The following IMMP2L variants were observed in gnomAD, a reference collection of about 807,000 sequenced individuals.
The protein encoded by IMMP2L is inner mitochondrial membrane peptidase subunit 2.
IMMP2L carries 18 observed loss-of-function variants against 19.3 expected under a neutral mutation model. That is an observed-to-expected ratio of 0.93 (90% CI 0.64 to 1.38). The LOEUF is 1.38. Ranked by LOEUF, IMMP2L falls within the 40% of genes most tolerant of loss-of-function variation. IMMP2L has a pLI of 0.00. For synonymous variants in IMMP2L, 76 were observed against 73.0 expected, an observed-to-expected ratio of 1.04 and a Z score of -0.21; for missense variants, 233 against 218.2, an observed-to-expected ratio of 1.07 and a Z score of -0.43.
At chr7:111,429,798 T>G (rs1305033704) in intron 3 of IMMP2L, among the ~76,000 whole-genome samples, 1 of 151,918 alleles carries the variant, frequency 6.6e-6, no homozygotes, top group Non-Finnish European at 1.5e-5. Flanking sequence ...TTACAAACAC[T>G]TTTCATGTGG....
intron 5 of IMMP2L, among the ~76,000 whole-genome samples, chr7:110,799,633 A>G (rs887076924): frequency 6.6e-6 from 1 of 152,070 alleles, no homozygotes; most frequent in Non-Finnish European, 1.5e-5. Flanking sequence ...GAGGAACTAC[A>G]GTATATAATT....
intron 4 of IMMP2L, among the ~76,000 whole-genome samples, chr7:110,929,343 A>G (rs1434128695): frequency 6.6e-6 from 1 of 152,178 alleles, no homozygotes; most frequent in Non-Finnish European, 1.5e-5. Flanking sequence ...ATTAAGTAAC[A>G]CTAAGATATT....
intron 3 of IMMP2L, among the ~76,000 whole-genome samples, chr7:111,139,517 G>A (rs1424943767): frequency 6.6e-6 from 1 of 152,102 alleles, no homozygotes; most frequent in African/African-American, 2.4e-5. Context: ...GAAAAACTAT[G>A]AGAAAGGAAA....
chr7:111,146,278 G>A (rs1301366032), intron 3 of IMMP2L, among the ~76,000 whole-genome samples: 1 of 147,508 alleles, frequency 6.8e-6, no homozygotes. Flanking sequence ...AGGGAGGGAG[G>A]GAAGATTATC....
chr7:111,503,365 A>C (rs1844510380), intron 2 of IMMP2L, among the ~76,000 whole-genome samples: 1 of 152,146 alleles, frequency 6.6e-6, no homozygotes, highest in African/African-American at 2.4e-5. Flanking sequence ...GACCAGATGG[A>C]TTCACAGCCG....
intron 3 of IMMP2L, among the ~76,000 whole-genome samples, chr7:111,394,309 G>A (rs895851755): frequency 2.0e-5 from 3 of 152,074 alleles, no homozygotes; most frequent in Non-Finnish European, 4.4e-5. Flanking sequence ...AAAGCATTTA[G>A]CATTAAATGT....
At position 111,157,925 on chromosome 7, in the gene IMMP2L, T is replaced by G. The variant is rs1804827162; in HGVS notation, c.240-194360A>C. The stretch of plus-strand genomic sequence containing the variant: ...AAAAGAGAAAACCATAATTAAACAG[T>G]GAACACATTTTCTGGATATTATTGG... On this transcript the variant is annotated intron_variant, in intron 3 of 5. Coordinates refer to ENST00000405709, the MANE Select transcript of IMMP2L (RefSeq NM_032549.4). Among the ~76,000 whole-genome samples, 5 of 151,844 alleles carry G rather than the reference T, an allele frequency of 3.3e-5. No individual in the cohort carries two copies. In the South Asian group the frequency reaches 1.0e-3, roughly 32 times the overall value.
chr7:110,692,430 C>CA (rs1793582530), intron 5 of IMMP2L, among the ~76,000 whole-genome samples: 1 of 151,892 alleles, frequency 6.6e-6, no homozygotes, highest in South Asian at 2.1e-4. Flanking sequence ...ACTAAAATCT[C>CA]AGACTTCACA....
At chr7:111,038,770 A>C (rs994583502) in intron 3 of IMMP2L, among the ~76,000 whole-genome samples, 1 of 152,214 alleles carries the variant, frequency 6.6e-6, no homozygotes, top group African/African-American at 2.4e-5. Context: ...AGTTGAAATG[A>C]AGCATAGTTA....
chr7:110,950,844 ATATATATATATATATATATATATATATG>A (rs987615920), intron 4 of IMMP2L, among the ~76,000 whole-genome samples: 4 of 114,442 alleles, frequency 3.5e-5, no homozygotes, highest in Non-Finnish European at 6.8e-5. Flanking sequence ...AATGTGGCAT[ATATATATATATATATATATATATATATG>A]TATATATATG....
At chr7:110,822,462 C>T (rs760267843) in intron 5 of IMMP2L, among the ~76,000 whole-genome samples, 1 of 152,094 alleles carries the variant, frequency 6.6e-6, no homozygotes, top group Non-Finnish European at 1.5e-5. Flanking sequence ...ATGAAAATTT[C>T]TCTGCCTGGA....
At chr7:110,971,752 T>C (rs1026155706) in intron 3 of IMMP2L, among the ~76,000 whole-genome samples, 4 of 152,134 alleles carry the variant, frequency 2.6e-5, no homozygotes, top group African/African-American at 9.7e-5. Flanking sequence ...CTGATATTTA[T>C]GGCCTGAAAA....
intron 3 of IMMP2L, among the ~76,000 whole-genome samples, chr7:111,221,842 G>A (rs184866997): frequency 9.9e-5 from 15 of 152,058 alleles, no homozygotes; most frequent in Admixed American, 1.3e-4. Context: ...TCTCCTGCCA[G>A]ATACTGAAAC....
At chr7:110,742,710 T>G (rs1041157676) in intron 5 of IMMP2L, among the ~76,000 whole-genome samples, 1 of 145,976 alleles carries the variant, frequency 6.9e-6, no homozygotes, top group East Asian at 2.0e-4. Flanking sequence ...GAGGTTGCAG[T>G]GCGCCAGAGA....
In IMMP2L at chr7:111,002,528, T is replaced by C. The variant is rs1823820944; in HGVS notation, c.240-38963A>G. ...CTAGAGCTTAGATGAGTGCTTCAAA[T>C]CTTAAGCTTTGAGTTCTTGAAGGCC... On this transcript the variant is annotated intron_variant, in intron 3 of 5. Coordinates refer to ENST00000405709, the MANE Select transcript of IMMP2L (RefSeq NM_032549.4). Among the ~76,000 whole-genome samples, 3 of 152,152 alleles carry C rather than the reference T, an allele frequency of 2.0e-5. No homozygotes were observed. In the South Asian group the frequency reaches 6.2e-4, roughly 32 times the overall value.
intron 3 of IMMP2L, among the ~76,000 whole-genome samples, chr7:110,981,945 A>G (rs1334145788): frequency 6.6e-6 from 1 of 152,196 alleles, no homozygotes; most frequent in East Asian, 1.9e-4. Context: ...TCATTCTGCC[A>G]TTTCTTGGAA....
chr7:111,002,874 TG>T (rs1823858198), intron 3 of IMMP2L, among the ~76,000 whole-genome samples: 1 of 152,144 alleles, frequency 6.6e-6, no homozygotes, highest in South Asian at 2.1e-4. Context: ...GTGAGTCTGG[TG>T]GGGATGAGCC....
intron 3 of IMMP2L, among the ~76,000 whole-genome samples, chr7:111,249,960 C>G (rs564933677): frequency 6.6e-6 from 1 of 152,260 alleles, no homozygotes; most frequent in East Asian, 1.9e-4. Flanking sequence ...GAGAAGAAGT[C>G]AAATTATCTT....
chr7:111,036,262 C>T (rs1791342232), intron 3 of IMMP2L, among the ~76,000 whole-genome samples: 1 of 152,032 alleles, frequency 6.6e-6, no homozygotes, highest in Non-Finnish European at 1.5e-5. Context: ...TAAACTGGGC[C>T]CCTTAATGAC....
Sources: gnomAD v4.1 joint callset for allele counts (sites outside exome capture counted in the v4.1 genomes callset) on GRCh38, gnomAD v4.1.1 for gene constraint, MANE v1.5 for transcripts, NCBI Gene and HGNC (gene_info 2026-07-23, HGNC 2026-07-21) for gene names.